The following PCDHA4 variants were observed in gnomAD, a reference collection of about 807,000 sequenced individuals.
The protein encoded by PCDHA4 is protocadherin alpha 4.
A neutral mutation model predicts 61.4 loss-of-function variants in PCDHA4; 49 were observed. The observed-to-expected ratio is 0.80, with a 90% CI of 0.63 to 1.01. PCDHA4 has a LOEUF of 1.01. Among genes scored for constraint, PCDHA4 ranks in the 50% least tolerant of loss-of-function variants. The probability of loss-of-function intolerance (pLI) is 0.00; values close to 1 mark genes in which losing one functional copy is unlikely to be tolerated. For missense variants in PCDHA4, 1,254 were observed against 1,235.8 expected (o/e 1.01, Z -0.22); for synonymous variants, 590 against 550.3 (o/e 1.07, Z -1.01).
At chr5:140,811,664 G>A (rs2126630943) in intron 1 of PCDHA4, 173 of 152,272 alleles carry the variant, frequency 1.1e-3, no homozygotes, top group African/African-American at 4.1e-3. Context: ...AGCATGTGTT[G>A]TTTCCTGACT....
At chr5:140,964,634 T>C (rs2095845045) in intron 1 of PCDHA4, among the ~76,000 whole-genome samples, 1 of 151,918 alleles carries the variant, frequency 6.6e-6, no homozygotes, top group Non-Finnish European at 1.5e-5. Flanking sequence ...AGCCATTTAT[T>C]TTCAGAAACA....
rs1052880282 is a variant in PCDHA4 at position 140,969,588 on chromosome 5, T to C, written c.2386-9361T>C. On this transcript the variant is annotated intron_variant, in intron 1 of 3. Coordinates refer to ENST00000530339, the MANE Select transcript of PCDHA4 (RefSeq NM_018907.4). ...TTGTTTGAGAAGTGAGGATTAGTCT[T>C]AATATTTAATGCTAAAACACAGATT... 31 of 849,754 alleles carry C rather than the reference T, an allele frequency of 3.6e-5. No individual in the cohort carries two copies. The African/African-American group carries it at 5.3e-4, about 15-fold the overall frequency. The allele number at this position is 849,754 out of a possible 1,614,324, so 52.6% of individuals were successfully genotyped here. A position where few individuals can be genotyped will look rare whatever the true frequency, so the allele number is the denominator to read the frequency against.
chr5:140,812,504 C>T (rs2126639507), intron 1 of PCDHA4: 5 of 152,056 alleles, frequency 3.3e-5, no homozygotes, highest in Admixed American at 2.0e-4. Context: ...GTATTTCCTC[C>T]CTTTGCTTTG....
chr5:140,848,597 C>G lies in PCDHA4; in HGVS notation c.2385+39025C>G, dbSNP rs151001396. 6,374 of 1,580,604 alleles carry G rather than the reference C, an allele frequency of 4.0e-3. 857 individuals carry two copies. Among genetic ancestry groups the G allele is most frequent in the South Asian group, 0.012 (1,061 of 88,252 alleles). On this transcript the variant is annotated intron_variant, in intron 1 of 3. Transcript: ENST00000530339. ...TGGGGAGCGGCCAGCTCCACTACTC[C>G]GTCCCGGAGGAAGCCGAACACGGCA...
At chr5:140,883,003 C>A in intron 1 of PCDHA4, 5 of 1,614,050 alleles carry the variant, frequency 3.1e-6, no homozygotes, top group Non-Finnish European at 4.2e-6. Flanking sequence ...TTTACCAATC[C>A]GTTTATAAAG....
rs145919251 is a variant in PCDHA4, at chr5:140,979,502, C to T, written c.2444+495C>T. On this transcript the variant is annotated intron_variant, in intron 2 of 3. Coordinates refer to ENST00000530339, the MANE Select transcript of PCDHA4 (RefSeq NM_018907.4). Reference sequence around the variant, plus strand: ...GTGTTCACACCTATTAGAGCCTCCTCATCTTTCCCATCTGTTGCTATCTTA... The same window carrying T: ...GTGTTCACACCTATTAGAGCCTCCTTATCTTTCCCATCTGTTGCTATCTTA... 1.1e-3 allele frequency among the ~76,000 whole-genome samples: 170 copies of T among 152,258 alleles called. 4 individuals are homozygous for T. In the East Asian group the frequency reaches 0.028, roughly 25 times the overall value.
intron 1 of PCDHA4, among the ~76,000 whole-genome samples, chr5:140,972,725 G>A (rs985697414): frequency 2.7e-5 from 4 of 146,408 alleles, no homozygotes; most frequent in African/African-American, 7.7e-5. Context: ...GTGCAGTGGC[G>A]TAATCCCGGC....
chr5:140,811,588 A>G (rs1554125774), intron 1 of PCDHA4: 2 of 152,200 alleles, frequency 1.3e-5, no homozygotes. Flanking sequence ...GTCTTCCACA[A>G]TGGTTGAACT....
intron 1 of PCDHA4, chr5:140,828,068 G>C: frequency 6.4e-7 from 1 of 1,561,728 alleles, no homozygotes. Flanking sequence ...TCTTCTAATG[G>C]AAATAAAACC....
chr5:140,905,047 C>A (rs2071568223), intron 1 of PCDHA4, among the ~76,000 whole-genome samples: 1 of 152,076 alleles, frequency 6.6e-6, no homozygotes, highest in Non-Finnish European at 1.5e-5. Context: ...TTAATTAGGT[C>A]CCATTTATTT....
rs2150471701 is a variant in PCDHA4, at chr5:140,850,183, C to T, written c.2385+40611C>T. On this transcript the variant is annotated intron_variant, in intron 1 of 3. Transcript: ENST00000530339. ...GTGCTGGACGAGAACGACAATGCGC[C>T]GGCGCTGCTGACACCTCGGATGAGG... The T allele has an allele frequency of 1.9e-6, 3 of 1,593,774 alleles. 1 individual carries two copies. Among genetic ancestry groups the T allele is most frequent in the Non-Finnish European group, 1.7e-6 (2 of 1,167,724 alleles).
rs1554262721 is a variant in PCDHA4, at chr5:141,010,165, GA to G, written c.*230del. ...TTCTCTCCACTCTGGCTTGTTTTCA[GA>G]ACCTAAAAAGCAGACCCAAGTTTCC... On this transcript the variant is annotated 3_prime_UTR_variant, in exon 4 of 4. Coordinates refer to ENST00000530339, the MANE Select transcript of PCDHA4 (RefSeq NM_018907.4). The G allele has an allele frequency of 1.9e-6, 3 of 1,563,714 alleles. No homozygotes were observed.
intron 1 of PCDHA4, chr5:140,859,885 A>G (rs2046070858): frequency 1.3e-5 from 2 of 151,844 alleles, no homozygotes; most frequent in South Asian, 4.2e-4. Context: ...TGATATTTTG[A>G]AAAAAAATCT....
intron 3 of PCDHA4, among the ~76,000 whole-genome samples, chr5:140,992,478 A>T (rs2097514142): frequency 6.6e-6 from 1 of 152,210 alleles, no homozygotes; most frequent in African/African-American, 2.4e-5. Flanking sequence ...TAGATCACCC[A>T]GAGGCCAATC....
At chr5:140,976,491 C>T (rs1478947639) in intron 1 of PCDHA4, among the ~76,000 whole-genome samples, 2 of 152,172 alleles carry the variant, frequency 1.3e-5, no homozygotes, top group East Asian at 1.9e-4. Context: ...GCAGAGGTTG[C>T]AGGGAGCCAA....
At chr5:140,876,602 G>C (rs572945874) in intron 1 of PCDHA4, 2 of 1,614,180 alleles carry the variant, frequency 1.2e-6, no homozygotes, top group Non-Finnish European at 1.7e-6. Flanking sequence ...GTGTCGGATC[G>C]TGACTCTGGA....
intron 1 of PCDHA4, chr5:140,869,272 G>A: frequency 6.2e-7 from 1 of 1,613,572 alleles, no homozygotes; most frequent in Non-Finnish European, 8.5e-7. Flanking sequence ...GCTGGAGCTG[G>A]CGGAGCTGGT....
At chr5:140,951,876 G>A (rs1554220112) in intron 1 of PCDHA4, among the ~76,000 whole-genome samples, 1 of 152,094 alleles carries the variant, frequency 6.6e-6, no homozygotes, top group East Asian at 1.9e-4. Context: ...CTGAGACAAG[G>A]CAACTCTCTT....
chr5:140,968,782 C>T (rs1256152245), intron 1 of PCDHA4: 43 of 1,614,072 alleles, frequency 2.7e-5, no homozygotes, highest in African/African-American at 8.0e-5. Flanking sequence ...CACTATCAGC[C>T]TCTGTGGCCA....
Sources: allele counts gnomAD v4.1 joint callset (sites outside exome capture counted in the v4.1 genomes callset), GRCh38; gene constraint gnomAD v4.1.1; transcripts MANE v1.5; gene names NCBI Gene and HGNC (gene_info 2026-07-23, HGNC 2026-07-21).